KCNH1: variants seen among roughly 807,000 people sequenced by gnomAD.
KCNH1 encodes voltage-gated delayed rectifier potassium channel KCNH1.
Under a neutral mutation model 69.2 loss-of-function variants are expected in KCNH1, and 27 were observed. That is an observed-to-expected ratio of 0.39 (90% CI 0.29 to 0.54). The LOEUF (loss-of-function observed/expected upper bound fraction) is 0.54, where lower values mean the gene tolerates loss of function less well. Ranked by LOEUF, KCNH1 falls within the 20% of genes least tolerant of loss-of-function variation. KCNH1 has a pLI of 0.68. For synonymous variants in KCNH1, 456 were observed against 487.7 expected (o/e 0.93, Z 0.86); for missense variants, 798 against 1,261.6 (o/e 0.63, Z 5.57).
At position 210,695,534 on chromosome 1, in the gene KCNH1, C is replaced by T. The variant is rs945671550; in HGVS notation, c.2113-11396G>A. On this transcript the variant is annotated intron_variant, in intron 10 of 10. Transcript: ENST00000271751. ...ATCTTTTTATGTGTTTGAATTATCT[C>T]CCTACTCCCATTGTCCCTCCTTCCC... 8.5e-5 allele frequency among the ~76,000 whole-genome samples: 13 copies of T among 152,260 alleles called. No homozygotes were observed. The East Asian group carries it at 2.3e-3, about 27-fold the overall frequency.
intron 10 of KCNH1, among the ~76,000 whole-genome samples, chr1:210,721,439 T>A (rs1682454337): frequency 6.6e-6 from 1 of 152,242 alleles, no homozygotes; most frequent in Non-Finnish European, 1.5e-5. Context: ...TTAGATCTTA[T>A]AAAATGTATT....
intron 5 of KCNH1, among the ~76,000 whole-genome samples, chr1:211,035,414 A>T (rs112827426): frequency 0.026 from 3,972 of 150,172 alleles, 96 homozygotes; most frequent in South Asian, 0.06. Context: ...ACGCCCGGCT[A>T]ATTTTTTGTA....
chr1:210,997,951 C>G (rs1033538028), intron 6 of KCNH1, among the ~76,000 whole-genome samples: 1 of 152,142 alleles, frequency 6.6e-6, no homozygotes, highest in African/African-American at 2.4e-5. Context: ...CCTTTACAGA[C>G]AAGCAAATGC....
At position 211,018,912 on chromosome 1, in the gene KCNH1, C is replaced by G; in HGVS notation, c.903G>C (p.Leu301=). 4 of 1,614,066 alleles carry G rather than the reference C, an allele frequency of 2.5e-6. No individual in the cohort carries two copies. Among genetic ancestry groups the G allele is most frequent in the Non-Finnish European group, 3.4e-6 (4 of 1,179,982 alleles). The change falls in exon 6 of 11, where the codon CTG becomes CTC. Residue 301 remains leucine (L), a synonymous_variant. Transcript: ENST00000271751. The part of the protein sequence containing the change: ...YLKTWFVIDL[L]SCLPYDVINA... ...TGATGACATCATATGGCAAACAGGA[C>G]AGAAGGTCAATCACAAACCACGTCT...
At chr1:211,073,243 G>T (rs902164944) in intron 5 of KCNH1, among the ~76,000 whole-genome samples, 6 of 152,118 alleles carry the variant, frequency 3.9e-5, no homozygotes, top group African/African-American at 1.4e-4. Context: ...TGATACAACT[G>T]CAAGGAAAAA....
At chr1:210,945,326 T>C (rs945013671) in intron 6 of KCNH1, among the ~76,000 whole-genome samples, 2 of 152,222 alleles carry the variant, frequency 1.3e-5, no homozygotes, top group Non-Finnish European at 2.9e-5. Flanking sequence ...GCACTGTATG[T>C]TATAAACATG....
At chr1:211,051,079 C>A (rs912856072) in intron 5 of KCNH1, among the ~76,000 whole-genome samples, 2 of 152,076 alleles carry the variant, frequency 1.3e-5, no homozygotes, top group African/African-American at 4.8e-5. Context: ...CTCACTGCAA[C>A]CCCCGCCTCC....
intron 6 of KCNH1, among the ~76,000 whole-genome samples, chr1:211,005,156 T>C (rs1269173535): frequency 6.6e-6 from 1 of 152,140 alleles, no homozygotes; most frequent in Non-Finnish European, 1.5e-5. Flanking sequence ...AACAATTGTA[T>C]ATCAGTAACT....
At chr1:210,821,701 G>A (rs1049447871) in intron 7 of KCNH1, among the ~76,000 whole-genome samples, 2 of 152,198 alleles carry the variant, frequency 1.3e-5, no homozygotes, top group African/African-American at 2.4e-5. Flanking sequence ...CTAAAAAATT[G>A]CAGATCATAT....
intron 5 of KCNH1, among the ~76,000 whole-genome samples, chr1:211,058,475 C>CT (rs1247129788): frequency 6.6e-6 from 1 of 152,082 alleles, no homozygotes; most frequent in Admixed American, 6.5e-5. Context: ...AAAGTGCAGA[C>CT]TTTTTTATCA....
At chr1:210,983,225 G>C (rs1216112720) in intron 6 of KCNH1, among the ~76,000 whole-genome samples, 1 of 152,170 alleles carries the variant, frequency 6.6e-6, no homozygotes, top group African/African-American at 2.4e-5. Flanking sequence ...TAGGTTGCCT[G>C]TTCACTCTGA....
At chr1:211,100,643 A>C (rs1405753120) in intron 3 of KCNH1, among the ~76,000 whole-genome samples, 3 of 152,118 alleles carry the variant, frequency 2.0e-5, no homozygotes, top group Non-Finnish European at 4.4e-5. Context: ...GAGCCACTGC[A>C]CCCGGCCCCT....
intron 7 of KCNH1, among the ~76,000 whole-genome samples, chr1:210,818,032 T>C (rs1032348411): frequency 6.6e-6 from 1 of 152,140 alleles, no homozygotes; most frequent in Admixed American, 6.5e-5. Context: ...AAATTCGTCC[T>C]GATTTGAGAA....
At chr1:211,024,683 C>A (rs1411124571) in intron 5 of KCNH1, among the ~76,000 whole-genome samples, 4 of 151,952 alleles carry the variant, frequency 2.6e-5, no homozygotes, top group African/African-American at 9.7e-5. Flanking sequence ...GAGGGAAGAA[C>A]AGAATCAGGG....
At chr1:210,994,588 A>G (rs914722885) in intron 6 of KCNH1, among the ~76,000 whole-genome samples, 2 of 152,250 alleles carry the variant, frequency 1.3e-5, no homozygotes, top group African/African-American at 4.8e-5. Flanking sequence ...ACCAGGTTCA[A>G]CAAAAAGGGG....
intron 7 of KCNH1, among the ~76,000 whole-genome samples, chr1:210,908,562 T>C (rs977356236): frequency 9.9e-5 from 15 of 152,086 alleles, no homozygotes; most frequent in Admixed American, 6.6e-4. Context: ...TCACTTTGTG[T>C]TTTCACTGCA....
intron 6 of KCNH1, among the ~76,000 whole-genome samples, chr1:210,957,144 T>C (rs1208317748): frequency 6.6e-6 from 1 of 152,206 alleles, no homozygotes; most frequent in East Asian, 1.9e-4. Context: ...AAAGAACTTG[T>C]TTCTTTCTGC....
At chr1:210,818,886 G>C (rs1684871688) in intron 7 of KCNH1, among the ~76,000 whole-genome samples, 1 of 152,182 alleles carries the variant, frequency 6.6e-6, no homozygotes, top group South Asian at 2.1e-4. Context: ...CCTATAGCCA[G>C]CAGTGTGATG....
chr1:210,871,067 A>G (rs1270269168), intron 7 of KCNH1, among the ~76,000 whole-genome samples: 1 of 152,200 alleles, frequency 6.6e-6, no homozygotes, highest in Non-Finnish European at 1.5e-5. Context: ...TAATTAAACT[A>G]AAGAGCTTCT....
Sources: allele counts gnomAD v4.1 joint callset (sites outside exome capture counted in the v4.1 genomes callset), GRCh38; gene constraint gnomAD v4.1.1; transcripts MANE v1.5; gene names NCBI Gene and HGNC (gene_info 2026-07-23, HGNC 2026-07-21).